Variants in CUX2 observed in about 807,000 individuals in gnomAD.
The protein encoded by CUX2 is homeobox protein cut-like 2.
CUX2 carries 40 observed loss-of-function variants against 144.8 expected under a neutral mutation model. The ratio of observed to expected loss-of-function variants is 0.28; its 90% CI spans 0.21 to 0.36. The LOEUF is 0.36. CUX2 is among the 10% of genes least tolerant of loss of function. CUX2 has a pLI of 1.00. For synonymous variants in CUX2, 827 were observed against 875.6 expected (o/e 0.94, Z 0.98); for missense variants, 1,615 against 1,994.0 (o/e 0.81, Z 3.62).
chr12:111,212,187 G>C (rs1022554654), intron 1 of CUX2, among the ~76,000 whole-genome samples: 3 of 152,180 alleles, frequency 2.0e-5, no homozygotes, highest in Non-Finnish European at 2.9e-5. Context: ...GTCAGTTGTA[G>C]TTTCTGTATT....
rs528129107 is a variant in CUX2 at position 111,092,805 on chromosome 12, ATTTTTTTTTTTTT to A, written c.63+58580_63+58592del. Among the ~76,000 whole-genome samples the A allele has an allele frequency of 9.9e-4, 105 of 106,042 alleles. 1 individual carries two copies. The highest frequency in any genetic ancestry group is 3.3e-3 in the African/African-American group (97 of 29,172). The allele number at this position is 106,042 out of a possible 152,430, so 69.6% of individuals were successfully genotyped here. A position where few individuals can be genotyped will look rare whatever the true frequency, so the allele number is the denominator to read the frequency against. On this transcript the variant is annotated intron_variant, in intron 1 of 21. Transcript: ENST00000261726. ...GATAAGGAAACCAAAGCTCTGGCAG[ATTTTTTTTTTTTT>A]TTTTTTTTTTTTTTAAGAAAAGTTC...
At chr12:111,346,899 C>G (rs1888833207) in intron 21 of CUX2, among the ~76,000 whole-genome samples, 1 of 151,942 alleles carries the variant, frequency 6.6e-6, no homozygotes, top group African/African-American at 2.4e-5. Context: ...ATAATCCCAG[C>G]TATTCAGGAG....
In CUX2 at chr12:111,291,537, C is replaced by G; in HGVS notation, c.421C>G (p.Leu141Val). The G allele has an allele frequency of 1.9e-6, 3 of 1,610,250 alleles. No homozygotes were observed. The South Asian group carries it at 3.3e-5, about 18-fold the overall frequency. Reference sequence around the variant, plus strand: ...CACTTCGTGGAAGAGGAACCCCGAGCTCCTCAGCCCCAAAGGTACTGATAA... The same window carrying G: ...CACTTCGTGGAAGAGGAACCCCGAGGTCCTCAGCCCCAAAGGTACTGATAA... ...LHTSWKRNPE[L>V]LSPKEQREGT... The change falls in exon 5 of 22, where the codon CTC becomes GTC. Residue 141 changes from leucine (L) to valine (V), a missense_variant. Transcript: ENST00000261726.
chr12:111,117,356 G>A (rs542300574), intron 1 of CUX2, among the ~76,000 whole-genome samples: 1 of 152,296 alleles, frequency 6.6e-6, no homozygotes, highest in Non-Finnish European at 1.5e-5. Context: ...TGATGGTGCA[G>A]CCACCAGCTC....
chr12:111,166,400 T>C (rs1878146682), intron 1 of CUX2, among the ~76,000 whole-genome samples: 1 of 152,226 alleles, frequency 6.6e-6, no homozygotes, highest in Admixed American at 6.5e-5. Context: ...AAGCTGACAT[T>C]ATCAGTTAGC....
intron 1 of CUX2, among the ~76,000 whole-genome samples, chr12:111,092,577 G>C (rs749318530): frequency 3.9e-5 from 6 of 152,178 alleles, no homozygotes; most frequent in Non-Finnish European, 7.3e-5. Context: ...GTAAGCAAAA[G>C]TGACAGGCCT....
chr12:111,260,037 C>A (rs1249982544), intron 3 of CUX2, among the ~76,000 whole-genome samples: 2 of 151,668 alleles, frequency 1.3e-5, no homozygotes, highest in Non-Finnish European at 2.9e-5. Context: ...GTGGTGGGCA[C>A]CTGTAATCCC....
rs1445752791 is a variant in CUX2, at chr12:111,111,714, C to T, written c.63+77474C>T. ...CTGATGCTGCCTAAAGCACACCACACTCTGAGTAGCAAGGCTCTGTCAAAT... is the reference window on the plus strand; with the variant it reads ...CTGATGCTGCCTAAAGCACACCACATTCTGAGTAGCAAGGCTCTGTCAAAT... On this transcript the variant is annotated intron_variant, in intron 1 of 21. Transcript: ENST00000261726. Among the ~76,000 whole-genome samples the T allele has an allele frequency of 2.0e-5, 3 of 152,174 alleles. No individual in the cohort carries two copies. The South Asian group carries it at 6.2e-4, about 32-fold the overall frequency.
At chr12:111,272,558 G>A (rs1039891692) in intron 4 of CUX2, among the ~76,000 whole-genome samples, 1 of 152,150 alleles carries the variant, frequency 6.6e-6, no homozygotes, top group Non-Finnish European at 1.5e-5. Flanking sequence ...TCCGCCTCTA[G>A]GGTTCAAGCA....
At chr12:111,288,230 G>C (rs775722836) in intron 4 of CUX2, among the ~76,000 whole-genome samples, 11 of 152,074 alleles carry the variant, frequency 7.2e-5, no homozygotes, top group Non-Finnish European at 1.5e-4. Flanking sequence ...TCTGAGGTGG[G>C]AAGGTAAGAA....
At chr12:111,247,361 A>G (rs1367445393) in intron 3 of CUX2, among the ~76,000 whole-genome samples, 1 of 152,224 alleles carries the variant, frequency 6.6e-6, no homozygotes, top group Non-Finnish European at 1.5e-5. Context: ...AAGCCTGGGC[A>G]GGGTAGCACT....
intron 1 of CUX2, among the ~76,000 whole-genome samples, chr12:111,153,086 A>G (rs1877150044): frequency 6.6e-6 from 1 of 152,134 alleles, no homozygotes; most frequent in Admixed American, 6.5e-5. Flanking sequence ...CCCGAAAGCC[A>G]CCCGAGGTTC....
At position 111,287,341 on chromosome 12, in the gene CUX2, C is replaced by T. The variant is rs1477080906; in HGVS notation, c.302-4077C>T. On this transcript the variant is annotated intron_variant, in intron 4 of 21. Transcript: ENST00000261726. The surrounding 1 kb of genome is among the most constrained non-coding windows in gnomAD (Gnocchi z 4.2). ...CCGGAGCAAGCCCTCCGTGGCCCTG[C>T]GCAGTCCGCGTGGCACCGCACCGTC... Among the ~76,000 whole-genome samples, 2 of 152,170 alleles carry T rather than the reference C, an allele frequency of 1.3e-5. No individual in the cohort carries two copies. Among genetic ancestry groups the T allele is most frequent in the African/African-American group, 2.4e-5 (1 of 41,472 alleles).
chr12:111,248,371 A>C (rs1034727618), intron 3 of CUX2, among the ~76,000 whole-genome samples: 2 of 152,186 alleles, frequency 1.3e-5, no homozygotes, highest in African/African-American at 4.8e-5. Context: ...CAGGCACCGC[A>C]AATGGCCTTT....
At chr12:111,102,851 C>T (rs748304001) in intron 1 of CUX2, among the ~76,000 whole-genome samples, 16 of 151,800 alleles carry the variant, frequency 1.1e-4, no homozygotes, top group Non-Finnish European at 2.2e-4. Context: ...TGGCAGTTTG[C>T]GTAGTAAGTG....
chr12:111,175,963 G>A (rs775823060), intron 1 of CUX2, among the ~76,000 whole-genome samples: 10 of 151,912 alleles, frequency 6.6e-5, no homozygotes, highest in Admixed American at 3.9e-4. Context: ...TGGCAGGGGC[G>A]GGAAGGCAGT....
At chr12:111,157,118 A>G (rs553849347) in intron 1 of CUX2, among the ~76,000 whole-genome samples, 2 of 151,432 alleles carry the variant, frequency 1.3e-5, no homozygotes, top group South Asian at 2.1e-4. Context: ...TTCATTCCCA[A>G]ATAGTCAGAG....
Position 111,347,917 on chromosome 12 carries a change from A to G in CUX2, c.4053A>G (p.Pro1351=), listed in dbSNP as rs770161673. The change falls in exon 22 of 22, where the codon CCA becomes CCG. Residue 1351 remains proline, a synonymous_variant. Transcript: ENST00000261726. ...LPKVAPGPLL[P]GGSTPDCPSL... is the part of the protein sequence containing the mutation. ...AAGTGGCTCCCGGGCCCCTCCTTCC[A>G]GGTGGATCCACCCCAGACTGTCCCT... The G allele has an allele frequency of 1.9e-6, 3 of 1,614,050 alleles. No individual in the cohort carries two copies. Among genetic ancestry groups the G allele is most frequent in the Non-Finnish European group, 1.7e-6 (2 of 1,179,998 alleles).
intron 4 of CUX2, among the ~76,000 whole-genome samples, chr12:111,286,218 A>G (rs1160394879): frequency 6.6e-6 from 1 of 152,178 alleles, no homozygotes; most frequent in Non-Finnish European, 1.5e-5. Flanking sequence ...GGGTGATGAA[A>G]GCACACAACG....
Sources: gnomAD v4.1 joint callset for allele counts (sites outside exome capture counted in the v4.1 genomes callset) on GRCh38, gnomAD v4.1.1 for gene constraint, Gnocchi (gnomAD v3.1) non-coding constraint, MANE v1.5 for transcripts, NCBI Gene and HGNC (gene_info 2026-07-23, HGNC 2026-07-21) for gene names.